The following KCNB2 variants were observed in gnomAD, a reference collection of about 807,000 sequenced individuals.
The protein encoded by KCNB2 is delayed rectifier potassium channel protein.
A neutral mutation model predicts 61.5 loss-of-function variants in KCNB2; 15 were observed. The observed-to-expected ratio is 0.24, with a 90% CI of 0.16 to 0.38. The LOEUF (loss-of-function observed/expected upper bound fraction) is 0.38. Ranked by LOEUF, KCNB2 falls within the 10% of genes least tolerant of loss-of-function variation. The pLI is 1.00. For synonymous variants in KCNB2, 457 were observed against 446.0 expected (o/e 1.02, Z -0.31); for missense variants, 828 against 1,125.2 (o/e 0.74, Z 3.78).
intron 2 of KCNB2, among the ~76,000 whole-genome samples, chr8:72,692,147 A>G (rs1052035947): frequency 1.5e-4 from 22 of 150,772 alleles, no homozygotes; most frequent in African/African-American, 5.4e-4. Context: ...GAGGCAGGAG[A>G]ATGGCATGAA....
chr8:72,908,767 T>G (rs538023523), intron 2 of KCNB2, among the ~76,000 whole-genome samples: 8 of 152,204 alleles, frequency 5.3e-5, no homozygotes, highest in African/African-American at 1.9e-4. Context: ...CTCTGCTTCC[T>G]TGGAAGAGTA....
chr8:72,608,528 A>G (rs1805489617), intron 2 of KCNB2, among the ~76,000 whole-genome samples: 1 of 152,062 alleles, frequency 6.6e-6, no homozygotes, highest in African/African-American at 2.4e-5. Flanking sequence ...AGGGCTGTGG[A>G]ACTGGAGATG....
intron 2 of KCNB2, among the ~76,000 whole-genome samples, chr8:72,624,059 A>G (rs1369466570): frequency 6.6e-6 from 1 of 152,250 alleles, no homozygotes; most frequent in Non-Finnish European, 1.5e-5. Flanking sequence ...TAGAGACGGA[A>G]TTAGGAGCCA....
At position 72,696,419 on chromosome 8, in the gene KCNB2, C is replaced by T. The variant is rs150292426; in HGVS notation, c.579+128106C>T. Among the ~76,000 whole-genome samples, 320 of 152,274 alleles carry T rather than the reference C, an allele frequency of 2.1e-3. 3 individuals are homozygous for T. Among genetic ancestry groups the T allele is most frequent in the African/African-American group, 7.2e-3 (301 of 41,542 alleles). ...TGGAGAACTTGATAAAGACAACAGA[C>T]CTTTCTCCAGAAAAATATAACTCCC... On this transcript the variant is annotated intron_variant, in intron 2 of 2. Transcript: ENST00000523207.
chr8:72,574,259 C>T (rs149518345), intron 2 of KCNB2, among the ~76,000 whole-genome samples: 6 of 152,320 alleles, frequency 3.9e-5, no homozygotes, highest in African/African-American at 1.4e-4. Context: ...GCCCTGAAAA[C>T]TCATCACTCT....
At chr8:72,567,555 C>T in intron 1 of KCNB2, 87 bp from the exon 2 acceptor site, 1 of 536,290 alleles carries the variant, frequency 1.9e-6, no homozygotes, top group Non-Finnish European at 3.3e-6. Context: ...AATATTGTAC[C>T]TTCTGGTTGT....
chr8:72,551,092 T>C lies in KCNB2; in HGVS notation c.-94+13207T>C, dbSNP rs1334593468. ...CATTAATGAAGGGATCCAGGCACAA[T>C]GGACAGGACCATTTCTTACGCCATC... On this transcript the variant is annotated intron_variant, in intron 1 of 2. Transcript: ENST00000523207. Among the ~76,000 whole-genome samples, 5 of 152,300 alleles carry C rather than the reference T, an allele frequency of 3.3e-5. No homozygotes were observed. The East Asian group carries it at 7.7e-4, about 24-fold the overall frequency.
At chr8:72,795,582 G>T (rs1809018784) in intron 2 of KCNB2, among the ~76,000 whole-genome samples, 2 of 152,212 alleles carry the variant, frequency 1.3e-5, no homozygotes. Context: ...TCGGATTACA[G>T]TTACCTTGAG....
chr8:72,709,161 A>G (rs1807282865), intron 2 of KCNB2, among the ~76,000 whole-genome samples: 1 of 152,228 alleles, frequency 6.6e-6, no homozygotes, highest in Non-Finnish European at 1.5e-5. Flanking sequence ...TCTTCAGTTA[A>G]ATGTATCTAG....
chr8:72,851,826 G>GAAATAAAA (rs1810116137), intron 2 of KCNB2, among the ~76,000 whole-genome samples: 1 of 43,868 alleles, frequency 2.3e-5, no homozygotes, highest in Non-Finnish European at 3.9e-5. Flanking sequence ...GAAGCTGTAG[G>GAAATAAAA]AAAAAAAAAA....
At chr8:72,606,405 C>T (rs535827174) in intron 2 of KCNB2, among the ~76,000 whole-genome samples, 4 of 152,100 alleles carry the variant, frequency 2.6e-5, no homozygotes, top group South Asian at 4.2e-4. Context: ...TATTGTATAA[C>T]GTAATATTTT....
At chr8:72,743,576 A>G (rs1457425303) in intron 2 of KCNB2, among the ~76,000 whole-genome samples, 2 of 152,254 alleles carry the variant, frequency 1.3e-5, no homozygotes, top group African/African-American at 4.8e-5. Flanking sequence ...CAATCCAAGA[A>G]TAATCCTTGG....
chr8:72,840,953 G>A (rs1402296212), intron 2 of KCNB2, among the ~76,000 whole-genome samples: 1 of 152,112 alleles, frequency 6.6e-6, no homozygotes, highest in Admixed American at 6.6e-5. Context: ...ATTGCTTTTG[G>A]TGTGTTAGTC....
At chr8:72,774,539 G>A (rs375873914) in intron 2 of KCNB2, among the ~76,000 whole-genome samples, 4 of 152,064 alleles carry the variant, frequency 2.6e-5, no homozygotes, top group African/African-American at 7.2e-5. Context: ...TAGTAGAGAC[G>A]GAGTTTCCAC....
At chr8:72,597,024 T>TGC (rs1807208094) in intron 2 of KCNB2, among the ~76,000 whole-genome samples, 2 of 52,240 alleles carry the variant, frequency 3.8e-5, no homozygotes, top group African/African-American at 8.7e-5. Flanking sequence ...TTTTTTTTTT[T>TGC]TTTTTTTTTT....
chr8:72,598,027 ACATGTGTTCACTGCAG>A (rs1563534375), intron 2 of KCNB2, among the ~76,000 whole-genome samples: 2 of 152,212 alleles, frequency 1.3e-5, no homozygotes, highest in African/African-American at 4.8e-5. Context: ...ACACATGCAT[ACATGTGTTCACTGCAG>A]CATTATTCAT....
At chr8:72,839,389 C>T (rs1480775122) in intron 2 of KCNB2, among the ~76,000 whole-genome samples, 2 of 152,182 alleles carry the variant, frequency 1.3e-5, no homozygotes, top group Non-Finnish European at 2.9e-5. Flanking sequence ...TATGCCTTGC[C>T]ATGTAATGTG....
chr8:72,558,784 T>TA (rs1281278986), intron 1 of KCNB2, among the ~76,000 whole-genome samples: 1 of 151,900 alleles, frequency 6.6e-6, no homozygotes, highest in Non-Finnish European at 1.5e-5. Context: ...AACAAATATA[T>TA]AATTGATGTT....
At chr8:72,863,100 C>A (rs999925276) in intron 2 of KCNB2, among the ~76,000 whole-genome samples, 1 of 152,160 alleles carries the variant, frequency 6.6e-6, no homozygotes, top group Non-Finnish European at 1.5e-5. Context: ...TCTCAAAAAA[C>A]CATACAATAA....
Sources: allele counts gnomAD v4.1 joint callset (sites outside exome capture counted in the v4.1 genomes callset), GRCh38; gene constraint gnomAD v4.1.1; transcripts MANE v1.5; gene names NCBI Gene and HGNC (gene_info 2026-07-23, HGNC 2026-07-21).